The following MDFIC2 variants were observed in gnomAD, a reference collection of about 807,000 sequenced individuals.
The protein encoded by MDFIC2 is MyoD family inhibitor domain containing 2.
intron 2 of MDFIC2, among the ~76,000 whole-genome samples, chr3:70,218,206 A>G (rs1412951242): frequency 6.6e-6 from 1 of 152,152 alleles, no homozygotes. Flanking sequence ...AACCTATGCA[A>G]TGGGGTTAAA....
chr3:70,219,042 A>T (rs1202988936), intron 2 of MDFIC2, among the ~76,000 whole-genome samples: 1 of 152,216 alleles, frequency 6.6e-6, no homozygotes, highest in East Asian at 1.9e-4. Flanking sequence ...TCCAATTTTT[A>T]GTAAAGGCAG....
chr3:70,214,948 G>GA (rs1187002709), intron 2 of MDFIC2, among the ~76,000 whole-genome samples: 1 of 151,954 alleles, frequency 6.6e-6, no homozygotes, highest in African/African-American at 2.4e-5. Context: ...TTAGGGCTCT[G>GA]AAAAAATAAA....
chr3:70,245,124 T>C (rs147217923), intron 2 of MDFIC2, among the ~76,000 whole-genome samples: 2 of 152,286 alleles, frequency 1.3e-5, no homozygotes, highest in East Asian at 3.9e-4. Flanking sequence ...TCTCCTTTAA[T>C]AGCTATTTTA....
At position 70,195,715 on chromosome 3, in the gene MDFIC2, T is replaced by C. The variant is rs1423140887; in HGVS notation, c.*1211A>G. Among the ~76,000 whole-genome samples, 2 of 152,192 alleles carry C rather than the reference T, an allele frequency of 1.3e-5. No individual in the cohort carries two copies. The highest frequency in any genetic ancestry group is 4.8e-5 in the African/African-American group (2 of 41,450). ...TGCTTTTTTATATTCAGTGAAAATA[T>C]TAAGATATATCCATGGAAATTAACA... On this transcript the variant is annotated 3_prime_UTR_variant, in exon 4 of 4. Coordinates refer to ENST00000567252, the MANE Select transcript of MDFIC2 (RefSeq NM_001364677.1).
chr3:70,215,306 T>C (rs929566150), intron 2 of MDFIC2, among the ~76,000 whole-genome samples: 8 of 152,122 alleles, frequency 5.3e-5, no homozygotes, highest in Non-Finnish European at 8.8e-5. Flanking sequence ...TTCTAATTCC[T>C]ATGGCAGTCA....
chr3:70,231,096 T>C (rs546612388), intron 2 of MDFIC2, among the ~76,000 whole-genome samples: 1 of 152,310 alleles, frequency 6.6e-6, no homozygotes, highest in South Asian at 2.1e-4. Context: ...TCTATTGTTA[T>C]CAATTGTAAA....
At chr3:70,251,181 T>G (rs1306904165) in intron 2 of MDFIC2, among the ~76,000 whole-genome samples, 2 of 152,236 alleles carry the variant, frequency 1.3e-5, no homozygotes, top group Non-Finnish European at 2.9e-5. Context: ...CCCACATCTT[T>G]GGAGACAGAG....
intron 2 of MDFIC2, among the ~76,000 whole-genome samples, chr3:70,281,576 C>A (rs887931794): frequency 1.3e-5 from 2 of 151,992 alleles, no homozygotes; most frequent in African/African-American, 4.8e-5. Context: ...TCAAAACAAA[C>A]AAACAAATTG....
chr3:70,220,728 C>A (rs1701454350), intron 2 of MDFIC2, among the ~76,000 whole-genome samples: 1 of 152,132 alleles, frequency 6.6e-6, no homozygotes, highest in Non-Finnish European at 1.5e-5. Context: ...CTGTATCAGG[C>A]AGTGAAAATA....
intron 3 of MDFIC2, among the ~76,000 whole-genome samples, chr3:70,198,434 A>G (rs1701202690): frequency 6.6e-6 from 1 of 152,162 alleles, no homozygotes; most frequent in African/African-American, 2.4e-5. Flanking sequence ...CATTATTCAT[A>G]TAATAGTCTT....
In MDFIC2 at chr3:70,194,550, C is replaced by G. The variant is rs1701156809; in HGVS notation, c.*2376G>C. 6.6e-6 allele frequency among the ~76,000 whole-genome samples: 1 copy of G among 152,164 alleles called. No individual in the cohort carries two copies. Among genetic ancestry groups the G allele is most frequent in the Admixed American group, 6.6e-5 (1 of 15,266 alleles). On this transcript the variant is annotated 3_prime_UTR_variant, in exon 4 of 4. Coordinates refer to ENST00000567252, the MANE Select transcript of MDFIC2 (RefSeq NM_001364677.1). ...AATTTCACACTTTGTATAACCGACC[C>G]TTTCTGTTATAGCACAGTGAATTCT... is the stretch of plus-strand genomic sequence containing the variant.
intron 2 of MDFIC2, among the ~76,000 whole-genome samples, chr3:70,256,937 T>A (rs572018644): frequency 6.6e-6 from 1 of 152,144 alleles, no homozygotes; most frequent in African/African-American, 2.4e-5. Flanking sequence ...TGGATTATAA[T>A]TGGTCCACCC....
In MDFIC2 at chr3:70,196,753, A is replaced by T. The variant is rs553800919; in HGVS notation, c.*173T>A. On this transcript the variant is annotated 3_prime_UTR_variant, in exon 4 of 4. Transcript: ENST00000567252. ...CCATGCGGTTGTGAAATTTGGAATA[A>T]GACCATTGAGTTGATAATACTAGCT... 1.3e-5 allele frequency: 5 copies of T among 393,974 alleles called. No individual in the cohort carries two copies. Among genetic ancestry groups the T allele is most frequent in the African/African-American group, 8.2e-5 (4 of 48,650 alleles). 24.4% of individuals were successfully genotyped at this position (393,974 alleles called of 1,614,324 possible). A position where few individuals can be genotyped will look rare whatever the true frequency, so the allele number is the denominator to read the frequency against.
intron 2 of MDFIC2, among the ~76,000 whole-genome samples, chr3:70,218,738 G>A (rs2106735126): frequency 6.6e-6 from 1 of 152,160 alleles, no homozygotes; most frequent in East Asian, 1.9e-4. Flanking sequence ...ACAAGGATTT[G>A]AGCTATAACA....
At chr3:70,274,560 A>G (rs1702003870) in intron 2 of MDFIC2, among the ~76,000 whole-genome samples, 1 of 152,174 alleles carries the variant, frequency 6.6e-6, no homozygotes, top group African/African-American at 2.4e-5. Flanking sequence ...GCTCTCACTT[A>G]TAAGTGGGAG....
chr3:70,233,911 T>G (rs1448922990), intron 2 of MDFIC2, among the ~76,000 whole-genome samples: 1 of 152,252 alleles, frequency 6.6e-6, no homozygotes, highest in Non-Finnish European at 1.5e-5. Flanking sequence ...TGTATTGTTT[T>G]CAGTTGTTGG....
intron 3 of MDFIC2, among the ~76,000 whole-genome samples, chr3:70,201,235 C>A (rs1038879557): frequency 6.6e-6 from 1 of 152,000 alleles, no homozygotes. Flanking sequence ...GTGTGTCGTT[C>A]CCCTCTCTGT....
intron 2 of MDFIC2, among the ~76,000 whole-genome samples, chr3:70,281,424 C>A (rs1444240041): frequency 6.6e-6 from 1 of 152,138 alleles, no homozygotes; most frequent in Non-Finnish European, 1.5e-5. Flanking sequence ...AGAATTCTGT[C>A]TTTACCATTT....
intron 2 of MDFIC2, among the ~76,000 whole-genome samples, chr3:70,242,447 T>C (rs566674044): frequency 2.4e-4 from 36 of 152,206 alleles, no homozygotes; most frequent in Non-Finnish European, 4.7e-4. Flanking sequence ...CAGTGGCCCA[T>C]AGGTCCCATG....
Sources: gnomAD v4.1 joint callset for allele counts (sites outside exome capture counted in the v4.1 genomes callset) on GRCh38, gnomAD v4.1.1 for gene constraint, MANE v1.5 for transcripts, NCBI Gene and HGNC (gene_info 2026-07-23, HGNC 2026-07-21) for gene names.